The following SLC1A3 variants were observed in gnomAD, a reference collection of about 807,000 sequenced individuals.
SLC1A3 encodes the protein excitatory amino acid transporter 1.
SLC1A3 carries 21 observed loss-of-function variants against 48.1 expected under a neutral mutation model. That is an observed-to-expected ratio of 0.44 (90% CI 0.31 to 0.63). The LOEUF (loss-of-function observed/expected upper bound fraction) is 0.63, where lower values mean the gene tolerates loss of function less well. Ranked by LOEUF, SLC1A3 falls within the 20% of genes least tolerant of loss-of-function variation. The pLI is 0.08. For missense variants in SLC1A3, 546 were observed against 689.0 expected (o/e 0.79, Z 2.32); for synonymous variants, 239 against 251.4 (o/e 0.95, Z 0.47).
chr5:36,671,046 A>G lies in SLC1A3; in HGVS notation c.337A>G (p.Ser113Gly). The G allele has an allele frequency of 6.2e-7, 1 of 1,614,002 alleles. No homozygotes were observed. Among genetic ancestry groups the G allele is most frequent in the Non-Finnish European group, 8.5e-7 (1 of 1,179,872 alleles). ...TCCACCAGGAATGGCGGCGCTAGAT[A>G]GTAAGGCATCAGGGAAGATGGGAAT... Reference protein sequence around the residue: ...SLVTGMAALDSKASGKMGMRA... With the variant: ...SLVTGMAALDGKASGKMGMRA... The change falls in exon 4 of 10, where the codon AGT becomes GGT. Residue 113 changes from serine (S) to glycine (G), a missense_variant. Ser to Gly is a moderately conservative substitution (Grantham distance 56). Transcript: ENST00000265113.
intron 3 of SLC1A3, among the ~76,000 whole-genome samples, chr5:36,651,401 T>G (rs1366393713): frequency 6.6e-6 from 1 of 152,140 alleles, no homozygotes; most frequent in Admixed American, 6.6e-5. Flanking sequence ...TACCTACTTT[T>G]TTTGCACAAA....
At chr5:36,643,142 A>T (rs1466116341) in intron 3 of SLC1A3, among the ~76,000 whole-genome samples, 1 of 152,154 alleles carries the variant, frequency 6.6e-6, no homozygotes, top group African/African-American at 2.4e-5. Flanking sequence ...ACATTCATGG[A>T]CATACATTTT....
In SLC1A3 at chr5:36,608,286, C is replaced by T. The variant is rs1041452942; in HGVS notation, c.-95-43C>T. The T allele has an allele frequency of 8.1e-6, 6 of 744,358 alleles. No homozygotes were observed. In the Admixed American group the frequency reaches 1.2e-4, roughly 15 times the overall value. The allele number at this position is 744,358 out of a possible 1,614,324, so 46.1% of individuals were successfully genotyped here. On this transcript the variant is annotated intron_variant, in intron 1 of 9. Transcript: ENST00000265113. ...GGTGTGGAGCAGCACTGATTTCTCA[C>T]CCCTGGAGGCTATAACTCATGTCTC...
chr5:36,652,323 C>A (rs1028469502), intron 3 of SLC1A3, among the ~76,000 whole-genome samples: 1 of 117,810 alleles, frequency 8.5e-6, no homozygotes, highest in African/African-American at 2.8e-5. Flanking sequence ...CGCACACACA[C>A]ATACACACAC....
chr5:36,606,777 C>T (rs1456801672), intron 1 of SLC1A3, 42 bp downstream of exon 1: 2 of 152,300 alleles, frequency 1.3e-5, no homozygotes, highest in African/African-American at 4.8e-5. Context: ...TTAATTTCTC[C>T]TTTCACTTCT....
chr5:36,681,560 G>T (rs1742442367), intron 8 of SLC1A3, among the ~76,000 whole-genome samples: 1 of 152,142 alleles, frequency 6.6e-6, no homozygotes, highest in Admixed American at 6.5e-5. Flanking sequence ...TATTTGAGGT[G>T]TTCAGTGAAA....
chr5:36,601,066 C>T (rs149807307), intron 1 of SLC1A3, among the ~76,000 whole-genome samples: 3 of 152,122 alleles, frequency 2.0e-5, no homozygotes, highest in Admixed American at 1.3e-4. Flanking sequence ...TGTCCAAATG[C>T]GAAATAGTTG....
chr5:36,667,575 G>T (rs1741803989), intron 3 of SLC1A3: 1 of 152,038 alleles, frequency 6.6e-6, no homozygotes, highest in Non-Finnish European at 1.5e-5. Flanking sequence ...TAACTTCTCT[G>T]GTCTCTTGTT....
chr5:36,688,082 C>G lies in SLC1A3; in HGVS notation c.*1813C>G, dbSNP rs552923722. 1.0e-3 allele frequency: 153 copies of G among 152,344 alleles called. No homozygotes were observed. Among genetic ancestry groups the G allele is most frequent in the African/African-American group, 3.5e-3 (147 of 41,576 alleles). 9.4% of individuals were successfully genotyped at this position (152,344 alleles called of 1,614,324 possible). A position where few individuals can be genotyped will look rare whatever the true frequency, so the allele number is the denominator to read the frequency against. ...ATGTCGAGGCTCTATTTCGGAAATA[C>G]ACTACAAATGTTAAAGTACGTGGCT... On this transcript the variant is annotated 3_prime_UTR_variant, in exon 10 of 10. Transcript: ENST00000265113.
At chr5:36,661,315 G>A (rs377113789) in intron 3 of SLC1A3, among the ~76,000 whole-genome samples, 2 of 152,212 alleles carry the variant, frequency 1.3e-5, no homozygotes, top group South Asian at 4.1e-4. Context: ...GGGAGGCTGA[G>A]GCAGGAGAAT....
At chr5:36,640,123 T>A (rs1740555953) in intron 3 of SLC1A3, among the ~76,000 whole-genome samples, 1 of 152,218 alleles carries the variant, frequency 6.6e-6, no homozygotes, top group African/African-American at 2.4e-5. Context: ...TTCTGTTTTT[T>A]CCCTCTGTTT....
At chr5:36,597,771 C>T (rs972890239) in intron 1 of SLC1A3, among the ~76,000 whole-genome samples, 4 of 152,092 alleles carry the variant, frequency 2.6e-5, no homozygotes, top group Non-Finnish European at 5.9e-5. Flanking sequence ...GCACGCCTCT[C>T]CCTAGCTACT....
At position 36,647,259 on chromosome 5, in the gene SLC1A3, C is replaced by T. The variant is rs191584803; in HGVS notation, c.319+17672C>T. Among the ~76,000 whole-genome samples the T allele has an allele frequency of 1.1e-3, 171 of 152,292 alleles. 1 individual carries two copies. Among genetic ancestry groups the T allele is most frequent in the Non-Finnish European group, 1.8e-3 (122 of 68,022 alleles). ...CTCTTCAAGTCCTGTGAGTACTCAA[C>T]AAACACTCACTGTTGACCAATTTCT... On this transcript the variant is annotated intron_variant, in intron 3 of 9. Coordinates refer to ENST00000265113, the MANE Select transcript of SLC1A3 (RefSeq NM_004172.5).
chr5:36,638,583 T>A (rs1740484835), intron 3 of SLC1A3, among the ~76,000 whole-genome samples: 1 of 152,134 alleles, frequency 6.6e-6, no homozygotes, highest in East Asian at 1.9e-4. Flanking sequence ...AACTGGAGGG[T>A]TCCACTAGGA....
At chr5:36,650,234 G>T (rs573478399) in intron 3 of SLC1A3, among the ~76,000 whole-genome samples, 51 of 152,282 alleles carry the variant, frequency 3.3e-4, no homozygotes, top group African/African-American at 1.1e-3. Flanking sequence ...GATAGGGATT[G>T]TCTATAGTCT....
intron 6 of SLC1A3, 51 bp from the exon 7 acceptor site, chr5:36,679,576 C>A (rs1742349394): frequency 6.9e-6 from 9 of 1,308,442 alleles, no homozygotes; most frequent in Admixed American, 6.7e-5. Flanking sequence ...TTTCTGTGGA[C>A]TAGCTTGGTG....
At chr5:36,650,125 G>A (rs1037960822) in intron 3 of SLC1A3, among the ~76,000 whole-genome samples, 1 of 152,132 alleles carries the variant, frequency 6.6e-6, no homozygotes, top group Non-Finnish European at 1.5e-5. Context: ...GTAGAGGCGG[G>A]TGGGGAAACT....
In SLC1A3 at chr5:36,651,148, A is replaced by G. The variant is rs1237928609; in HGVS notation, c.320-19881A>G. Among the ~76,000 whole-genome samples, 100 of 148,508 alleles carry G rather than the reference A, an allele frequency of 6.7e-4. 1 individual carries two copies. Among genetic ancestry groups the G allele is most frequent in the Admixed American group, 5.1e-3 (76 of 14,938 alleles). On this transcript the variant is annotated intron_variant, in intron 3 of 9. Coordinates refer to ENST00000265113, the MANE Select transcript of SLC1A3 (RefSeq NM_004172.5). ...GGGAAACTAAGTTTTTTTTAAAAAA[A>G]AAAAAAAAAAAAAAAAAAGGAAATA...
chr5:36,603,408 C>G (rs1237204677), upstream of SLC1A3, among the ~76,000 whole-genome samples: 1 of 152,222 alleles, frequency 6.6e-6, no homozygotes, highest in Non-Finnish European at 1.5e-5. Flanking sequence ...CGTTTATGGA[C>G]TCCTTGAGGA....
Sources: gnomAD v4.1 joint callset for allele counts (sites outside exome capture counted in the v4.1 genomes callset) on GRCh38, gnomAD v4.1.1 for gene constraint, MANE v1.5 for transcripts, NCBI Gene and HGNC (gene_info 2026-07-23, HGNC 2026-07-21) for gene names.